PDE10A: variants seen among roughly 807,000 people sequenced by gnomAD.
The protein encoded by PDE10A is phosphodiesterase 10A.
PDE10A carries 39 observed loss-of-function variants against 97.7 expected under a neutral mutation model. That is an observed-to-expected ratio of 0.40 (90% CI 0.31 to 0.52). PDE10A has a LOEUF of 0.52. Among genes scored for constraint, PDE10A ranks in the 20% least tolerant of loss-of-function variants. PDE10A has a pLI of 0.56. For synonymous variants in PDE10A, 371 were observed against 376.8 expected (o/e 0.98, Z 0.18); for missense variants, 731 against 1,047.8 (o/e 0.70, Z 4.17).
chr6:165,958,448 AAG>A (rs1261760089), intron 1 of PDE10A, among the ~76,000 whole-genome samples: 1 of 135,478 alleles, frequency 7.4e-6, no homozygotes, highest in Non-Finnish European at 1.6e-5. Flanking sequence ...CTGGGCAACA[AAG>A]AGAGAAAACA....
intron 1 of PDE10A, among the ~76,000 whole-genome samples, chr6:165,943,717 A>T (rs985676534): frequency 1.6e-4 from 24 of 152,340 alleles, no homozygotes; most frequent in African/African-American, 5.3e-4. Context: ...GTGAAGAAGG[A>T]TCTTCTTTAT....
At chr6:165,839,997 A>G (rs1422932136) in intron 1 of PDE10A, among the ~76,000 whole-genome samples, 13 of 3,422 alleles carry the variant, frequency 3.8e-3, no homozygotes, top group South Asian at 0.017. Flanking sequence ...CTCCAACTCC[A>G]TCCCATCTCC....
chr6:165,761,012 A>C (rs768781531), intron 1 of PDE10A, among the ~76,000 whole-genome samples: 12 of 152,174 alleles, frequency 7.9e-5, no homozygotes, highest in Non-Finnish European at 1.8e-4. Context: ...ACACTGGGAG[A>C]ACGGGGCGGA....
intron 1 of PDE10A, among the ~76,000 whole-genome samples, chr6:165,794,564 TACAC>T (rs969844886): frequency 4.6e-5 from 7 of 151,118 alleles, no homozygotes; most frequent in South Asian, 2.1e-4. Context: ...CAAGGTCACT[TACAC>T]ACACATTCCT....
Position 165,434,342 on chromosome 6 carries a change from T to C in PDE10A, c.1335+895A>G, listed in dbSNP as rs532551630. Among the ~76,000 whole-genome samples the C allele has an allele frequency of 2.0e-4, 29 of 146,640 alleles. No homozygotes were observed. The South Asian group carries it at 6.4e-3, about 32-fold the overall frequency. On this transcript the variant is annotated intron_variant, in intron 6 of 21. Coordinates refer to ENST00000539869, the MANE Select transcript of PDE10A (RefSeq NM_001385079.1). ...AATTTATTCAAGGTTATACAAATAA[T>C]GGTGGAAAAACCAAAATTAAAACCC...
At chr6:165,420,313 GC>G (rs1251655906) in intron 10 of PDE10A, among the ~76,000 whole-genome samples, 3 of 152,046 alleles carry the variant, frequency 2.0e-5, no homozygotes, top group Admixed American at 2.0e-4. Context: ...GGCCCACAAA[GC>G]ATAACAATTT....
At chr6:165,785,547 A>G (rs980091123) in intron 1 of PDE10A, among the ~76,000 whole-genome samples, 3 of 152,228 alleles carry the variant, frequency 2.0e-5, no homozygotes, top group Non-Finnish European at 4.4e-5. Flanking sequence ...TTTGTGTGTT[A>G]AACCAAATTC....
chr6:165,980,081 C>T (rs1030595914), intron 1 of PDE10A, among the ~76,000 whole-genome samples: 14 of 152,318 alleles, frequency 9.2e-5, no homozygotes, highest in African/African-American at 3.4e-4. Context: ...AAAAAGTTGT[C>T]TTATGAATCC....
chr6:165,416,762 C>T (rs1409802203), intron 11 of PDE10A, among the ~76,000 whole-genome samples: 1 of 152,174 alleles, frequency 6.6e-6, no homozygotes, highest in African/African-American at 2.4e-5. Context: ...TCACAGGTTA[C>T]ACGTGAGCTT....
At chr6:165,470,466 C>T (rs971684061) in intron 3 of PDE10A, among the ~76,000 whole-genome samples, 1 of 152,100 alleles carries the variant, frequency 6.6e-6, no homozygotes, top group African/African-American at 2.4e-5. Context: ...AAACTTTGTC[C>T]TGAAAAAGAC....
At chr6:165,350,717 G>C (rs925447646) in intron 18 of PDE10A, among the ~76,000 whole-genome samples, 1 of 152,150 alleles carries the variant, frequency 6.6e-6, no homozygotes. Context: ...GGAGATAATT[G>C]AAACATGGGG....
chr6:165,800,627 C>T (rs983690932), intron 1 of PDE10A, among the ~76,000 whole-genome samples: 2 of 152,164 alleles, frequency 1.3e-5, no homozygotes, highest in Non-Finnish European at 2.9e-5. Flanking sequence ...CCCGACTTTA[C>T]GGTTGTGATT....
chr6:165,845,540 A>G (rs117258088), intron 1 of PDE10A, among the ~76,000 whole-genome samples: 5,563 of 152,308 alleles, frequency 0.037, 140 homozygotes, highest in Middle Eastern at 0.075. Context: ...AAACCCACTT[A>G]TGTGGGAAAA....
chr6:165,624,937 G>A (rs1397362709), intron 1 of PDE10A, among the ~76,000 whole-genome samples: 1 of 152,204 alleles, frequency 6.6e-6, no homozygotes, highest in East Asian at 1.9e-4. Flanking sequence ...CAGCAGTCCT[G>A]AATGCAGGAG....
At chr6:165,564,122 C>T (rs1478705942) in intron 1 of PDE10A, among the ~76,000 whole-genome samples, 1 of 152,178 alleles carries the variant, frequency 6.6e-6, no homozygotes, top group Non-Finnish European at 1.5e-5. Flanking sequence ...CTAAAATCCT[C>T]AATTCAAATA....
At chr6:165,575,400 G>C (rs140990519) in intron 1 of PDE10A, among the ~76,000 whole-genome samples, 1 of 152,266 alleles carries the variant, frequency 6.6e-6, no homozygotes, top group East Asian at 1.9e-4. Flanking sequence ...TTGTTACTCA[G>C]AGGATCCTTT....
At chr6:165,944,436 G>A (rs763968084) in intron 1 of PDE10A, among the ~76,000 whole-genome samples, 15 of 152,168 alleles carry the variant, frequency 9.9e-5, no homozygotes, top group Non-Finnish European at 1.9e-4. Flanking sequence ...TGGGCCCCCA[G>A]GCATGGGACA....
intron 1 of PDE10A, among the ~76,000 whole-genome samples, chr6:165,598,828 G>A (rs1786761775): frequency 6.6e-6 from 1 of 152,128 alleles, no homozygotes; most frequent in African/African-American, 2.4e-5. Flanking sequence ...GGACCTAGAG[G>A]GCCTGCTCTT....
chr6:165,672,479 C>T (rs1314501050), intron 1 of PDE10A, among the ~76,000 whole-genome samples: 5 of 152,176 alleles, frequency 3.3e-5, no homozygotes, highest in African/African-American at 1.2e-4. Context: ...AAGTGAAAAA[C>T]AGTGGTTGGA....
Sources: gnomAD v4.1 joint callset for allele counts (sites outside exome capture counted in the v4.1 genomes callset) on GRCh38, gnomAD v4.1.1 for gene constraint, MANE v1.5 for transcripts, NCBI Gene and HGNC (gene_info 2026-07-23, HGNC 2026-07-21) for gene names.